Variants in ATG5 observed in about 807,000 individuals in gnomAD.
ATG5 encodes the protein autophagy protein 5.
ATG5 carries 14 observed loss-of-function variants against 36.5 expected under a neutral mutation model. The ratio of observed to expected loss-of-function variants is 0.38; its 90% confidence interval spans 0.25 to 0.60. The LOEUF (loss-of-function observed/expected upper bound fraction) is 0.60, where lower values mean the gene tolerates loss of function less well. Ranked by LOEUF, ATG5 falls within the 20% of genes least tolerant of loss-of-function variation. The pLI is 0.60. For missense variants in ATG5, 195 were observed against 326.7 expected, an observed-to-expected ratio of 0.60 and a Z score of 3.11; for synonymous variants, 95 against 101.5, an observed-to-expected ratio of 0.94 and a Z score of 0.38.
At chr6:106,199,145 T>G (rs1776322264) in intron 7 of ATG5, among the ~76,000 whole-genome samples, 1 of 152,236 alleles carries the variant, frequency 6.6e-6, no homozygotes. Flanking sequence ...TACAGCCACT[T>G]TGGGAAAGCT....
intron 1 of ATG5, among the ~76,000 whole-genome samples, chr6:106,317,943 A>T (rs1037591939): frequency 6.6e-6 from 1 of 152,224 alleles, no homozygotes; most frequent in Non-Finnish European, 1.5e-5. Context: ...TTGTTTCTGC[A>T]GCCATGATAC....
In ATG5 at chr6:106,185,526, C is replaced by G. The variant is rs1326145204; in HGVS notation, c.*1014G>C. 6.6e-6 allele frequency: 1 copy of G among 152,242 alleles called. No individual in the cohort carries two copies. Among genetic ancestry groups the G allele is most frequent in the African/African-American group, 2.4e-5 (1 of 41,408 alleles). The allele number at this position is 152,242 out of a possible 1,614,324, so 9.4% of individuals were successfully genotyped here. A position where few individuals can be genotyped will look rare whatever the true frequency, so the allele number is the denominator to read the frequency against. On this transcript the variant is annotated 3_prime_UTR_variant, in exon 8 of 8. Transcript: ENST00000369076. ...AAGAAAAGGTACTGCAGTCAAGAGA[C>G]AGGTAATCTTTAAACTTCAAAAGAC...
At chr6:106,286,951 G>A (rs1007130195) in intron 4 of ATG5, among the ~76,000 whole-genome samples, 1 of 152,168 alleles carries the variant, frequency 6.6e-6, no homozygotes, top group Non-Finnish European at 1.5e-5. Context: ...CATAACCTAG[G>A]CAGAAGATCC....
At chr6:106,197,200 GA>G (rs1454417910) in intron 7 of ATG5, among the ~76,000 whole-genome samples, 1 of 152,024 alleles carries the variant, frequency 6.6e-6, no homozygotes, top group Non-Finnish European at 1.5e-5. Flanking sequence ...GTAGATTGTC[GA>G]AAAAAATCTA....
chr6:106,282,485 T>C (rs1421512239), intron 4 of ATG5, among the ~76,000 whole-genome samples: 2 of 152,160 alleles, frequency 1.3e-5, no homozygotes, highest in African/African-American at 2.4e-5. Context: ...AGTCCTGTGG[T>C]TTTTACTGTA....
At chr6:106,235,373 G>A (rs111397260) in intron 6 of ATG5, among the ~76,000 whole-genome samples, 1 of 152,106 alleles carries the variant, frequency 6.6e-6, no homozygotes, top group Non-Finnish European at 1.5e-5. Flanking sequence ...CCCTCCCGAG[G>A]AAATCTCAAC....
intron 5 of ATG5, among the ~76,000 whole-genome samples, chr6:106,253,618 CT>C (rs1562238855): frequency 6.6e-6 from 1 of 152,180 alleles, no homozygotes; most frequent in Non-Finnish European, 1.5e-5. Context: ...ACCACTACCA[CT>C]TTCACCTCTC....
intron 3 of ATG5, among the ~76,000 whole-genome samples, chr6:106,306,663 T>C (rs1365552838): frequency 6.6e-6 from 1 of 152,234 alleles, no homozygotes; most frequent in African/African-American, 2.4e-5. Context: ...TAATCTGTAA[T>C]ACATATAATG....
chr6:106,243,762 C>T (rs186152343), intron 6 of ATG5, among the ~76,000 whole-genome samples: 5 of 151,794 alleles, frequency 3.3e-5, no homozygotes, highest in African/African-American at 7.3e-5. Flanking sequence ...ACCCAAGAGG[C>T]GGAGGTTTCA....
intron 5 of ATG5, among the ~76,000 whole-genome samples, chr6:106,256,255 G>A (rs541989434): frequency 6.6e-6 from 1 of 152,280 alleles, no homozygotes; most frequent in East Asian, 1.9e-4. Flanking sequence ...ATTATCCACT[G>A]ACAAATAACA....
At chr6:106,270,807 G>A (rs921005667) in intron 5 of ATG5, among the ~76,000 whole-genome samples, 2 of 152,048 alleles carry the variant, frequency 1.3e-5, no homozygotes, top group African/African-American at 4.8e-5. Flanking sequence ...TCAGTATAAA[G>A]CACCACTCTC....
At chr6:106,248,298 A>T in intron 5 of ATG5, 54 bp from the exon 6 acceptor site, 1 of 1,304,972 alleles carries the variant, frequency 7.7e-7, no homozygotes, top group Non-Finnish European at 1.1e-6. Context: ...ATAATGGAAT[A>T]CCTCACATGA....
intron 5 of ATG5, among the ~76,000 whole-genome samples, chr6:106,254,088 G>A (rs1343553277): frequency 2.6e-5 from 4 of 151,744 alleles, no homozygotes; most frequent in South Asian, 2.1e-4. Context: ...TTTTCTTTTC[G>A]GTCCCTAGTA....
At chr6:106,204,251 T>G (rs1776546171) in intron 6 of ATG5, among the ~76,000 whole-genome samples, 1 of 152,028 alleles carries the variant, frequency 6.6e-6, no homozygotes, top group Non-Finnish European at 1.5e-5. Context: ...TAAATAAAAA[T>G]AAGTAGAAAA....
At chr6:106,204,028 G>A (rs1033977482) in intron 6 of ATG5, among the ~76,000 whole-genome samples, 101 of 152,182 alleles carry the variant, frequency 6.6e-4, no homozygotes, top group Non-Finnish European at 7.2e-4. Context: ...GCTGAACAAC[G>A]AGAACACATG....
At chr6:106,207,518 C>G (rs1367832309) in intron 6 of ATG5, among the ~76,000 whole-genome samples, 4 of 149,384 alleles carry the variant, frequency 2.7e-5, no homozygotes, top group Middle Eastern at 3.5e-3. Flanking sequence ...CCGGGCAACA[C>G]AGAGAGACCT....
intron 6 of ATG5, among the ~76,000 whole-genome samples, chr6:106,203,772 G>GGT (rs888174438): frequency 2.0e-5 from 3 of 152,008 alleles, no homozygotes; most frequent in Non-Finnish European, 4.4e-5. Context: ...TGTAGAAGGG[G>GGT]GTCTCACTAT....
chr6:106,199,690 TA>T (rs1331676101), intron 7 of ATG5, among the ~76,000 whole-genome samples: 1 of 152,176 alleles, frequency 6.6e-6, no homozygotes, highest in African/African-American at 2.4e-5. Context: ...CTAAAACTCT[TA>T]TTGAAAGCTA....
At chr6:106,315,660 T>G (rs1025874187) in intron 2 of ATG5, among the ~76,000 whole-genome samples, 2 of 152,174 alleles carry the variant, frequency 1.3e-5, no homozygotes, top group Non-Finnish European at 2.9e-5. Flanking sequence ...TAAAAACACT[T>G]TTAACAAACA....
Sources: gnomAD v4.1 joint callset for allele counts (sites outside exome capture counted in the v4.1 genomes callset) on GRCh38, gnomAD v4.1.1 for gene constraint, MANE v1.5 for transcripts, NCBI Gene and HGNC (gene_info 2026-07-23, HGNC 2026-07-21) for gene names.